Variants in CSMD1 observed in about 807,000 individuals in gnomAD.
The protein encoded by CSMD1 is CUB and sushi domain-containing protein 1.
Under a neutral mutation model 417.5 loss-of-function variants are expected in CSMD1, and 213 were observed. That is an observed-to-expected ratio of 0.51 (90% CI 0.46 to 0.57). The LOEUF (loss-of-function observed/expected upper bound fraction) is 0.57, where lower values mean the gene tolerates loss of function less well. CSMD1 is among the 20% of genes least tolerant of loss of function. The probability of loss-of-function intolerance (pLI) is 0.00; values close to 1 mark genes in which losing one functional copy is unlikely to be tolerated. For synonymous variants in CSMD1, 2,862 were observed against 1,736.8 expected (o/e 1.65, Z -16.11); for missense variants, 6,923 against 4,529.7 (o/e 1.53, Z -15.17).
rs1818076078 is a variant in CSMD1, at chr8:3,486,984, T to C, written c.1448+6639A>G. 2.0e-5 allele frequency among the ~76,000 whole-genome samples: 3 copies of C among 152,068 alleles called. No individual in the cohort carries two copies. In the South Asian group the frequency reaches 6.2e-4, roughly 32 times the overall value. The stretch of plus-strand genomic sequence containing the variant: ...CATCCTGAAGCTTGCTACTCAATCC[T>C]CCTTGATCCTGGGGAGTTGATCCTG... On this transcript the variant is annotated intron_variant, in intron 11 of 69. Transcript: ENST00000635120.
chr8:3,425,618 A>G (rs977139794), intron 12 of CSMD1, among the ~76,000 whole-genome samples: 1 of 150,650 alleles, frequency 6.6e-6, no homozygotes, highest in Non-Finnish European at 1.5e-5. Flanking sequence ...GAAAGAAAAA[A>G]GGAAAAAAAA....
In CSMD1 at chr8:4,909,790, T is replaced by C. The variant is rs140289533; in HGVS notation, c.85+84542A>G. Reference sequence around the variant, plus strand: ...GATCCATGTACATTTGTTTTGGTTGTGACTCTGTGGACCCACCTGTCCTTC... The same window carrying C: ...GATCCATGTACATTTGTTTTGGTTGCGACTCTGTGGACCCACCTGTCCTTC... On this transcript the variant is annotated intron_variant, in intron 1 of 69. Transcript: ENST00000635120. Among the ~76,000 whole-genome samples, 804 of 152,332 alleles carry C rather than the reference T, an allele frequency of 5.3e-3. 1 individual carries two copies. The highest frequency in any genetic ancestry group is 8.8e-3 in the Non-Finnish European group (598 of 68,022).
intron 2 of CSMD1, among the ~76,000 whole-genome samples, chr8:4,421,366 C>G (rs978725298): frequency 6.6e-5 from 10 of 152,122 alleles, no homozygotes; most frequent in African/African-American, 2.2e-4. Flanking sequence ...CTTTACCCAG[C>G]AAGAACAGAG....
chr8:3,340,085 C>T (rs1807548214), intron 23 of CSMD1, among the ~76,000 whole-genome samples: 1 of 152,142 alleles, frequency 6.6e-6, no homozygotes, highest in South Asian at 2.1e-4. Context: ...CAATATCGGT[C>T]AATATACTTG....
At chr8:3,243,463 C>T (rs963157006) in intron 26 of CSMD1, among the ~76,000 whole-genome samples, 17 of 138,838 alleles carry the variant, frequency 1.2e-4, no homozygotes, top group African/African-American at 4.7e-4. Context: ...AAATTACAGT[C>T]AAAGGGGGTT....
chr8:4,353,732 G>A (rs773505621), intron 3 of CSMD1, among the ~76,000 whole-genome samples: 3 of 146,470 alleles, frequency 2.0e-5, no homozygotes, highest in Non-Finnish European at 3.0e-5. Flanking sequence ...AGTTTTTGTT[G>A]GGGTTCATGG....
chr8:4,928,447 A>C (rs1489562216), intron 1 of CSMD1, among the ~76,000 whole-genome samples: 1 of 152,168 alleles, frequency 6.6e-6, no homozygotes, highest in Non-Finnish European at 1.5e-5. Context: ...ACATTGTTCC[A>C]AGTGCACCAT....
chr8:4,444,108 G>A (rs143240697), intron 2 of CSMD1, among the ~76,000 whole-genome samples: 1,783 of 152,052 alleles, frequency 0.012, 25 homozygotes, highest in Non-Finnish European at 0.014. Context: ...TTGGGAGGTC[G>A]AGGCAGGTCG....
intron 3 of CSMD1, among the ~76,000 whole-genome samples, chr8:4,261,275 T>G (rs1368958640): frequency 6.6e-6 from 1 of 152,154 alleles, no homozygotes; most frequent in African/African-American, 2.4e-5. Context: ...TTCTTCTCTT[T>G]CCTTTTTGTT....
intron 1 of CSMD1, among the ~76,000 whole-genome samples, chr8:4,797,244 T>C (rs1798030798): frequency 6.6e-6 from 1 of 152,150 alleles, no homozygotes; most frequent in Non-Finnish European, 1.5e-5. Flanking sequence ...GTTTCATCCT[T>C]TACTATGCAT....
chr8:4,595,387 C>CTTTTTTTTTTTTTTTTTCTTTTTTTTTTT, intron 2 of CSMD1, among the ~76,000 whole-genome samples: 1 of 147,342 alleles, frequency 6.8e-6, no homozygotes, highest in South Asian at 2.2e-4. Context: ...CATTCATTTT[C>CTTTTTTTTTTTTTTTTTCTTTTTTTTTTT]ATTCCATCCA....
At chr8:3,870,711 T>C (rs376530070) in intron 5 of CSMD1, among the ~76,000 whole-genome samples, 22 of 152,310 alleles carry the variant, frequency 1.4e-4, no homozygotes, top group African/African-American at 4.1e-4. Context: ...TATATTCATT[T>C]ATATATTCTC....
At chr8:3,367,781 T>C (rs1809693641) in intron 19 of CSMD1, among the ~76,000 whole-genome samples, 1 of 152,194 alleles carries the variant, frequency 6.6e-6, no homozygotes, top group Non-Finnish European at 1.5e-5. Context: ...CAGATATAGA[T>C]GTACATATTG....
chr8:3,828,345 A>G (rs1802173452), intron 5 of CSMD1, among the ~76,000 whole-genome samples: 1 of 152,224 alleles, frequency 6.6e-6, no homozygotes, highest in South Asian at 2.1e-4. Context: ...ATCTATAATT[A>G]AGAATCTGTT....
intron 1 of CSMD1, among the ~76,000 whole-genome samples, chr8:4,812,929 T>A (rs1219477957): frequency 6.6e-6 from 1 of 152,150 alleles, no homozygotes. Context: ...CAACACTAAA[T>A]CATGCATTTC....
chr8:4,738,420 G>C (rs981225420), intron 1 of CSMD1, among the ~76,000 whole-genome samples: 11 of 152,144 alleles, frequency 7.2e-5, no homozygotes, highest in African/African-American at 2.7e-4. Context: ...GAAGGGCTGA[G>C]CGAAGGGGGA....
chr8:3,449,355 C>T lies in CSMD1; in HGVS notation c.1561+19357G>A, dbSNP rs116820161. On this transcript the variant is annotated intron_variant, in intron 12 of 69. Transcript: ENST00000635120. ...CTCAATATAATCTTGTTTTCTCTAC[C>T]CCTCTGTTATGTGACAATGTCTCAT... Among the ~76,000 whole-genome samples, 898 of 152,186 alleles carry T rather than the reference C, an allele frequency of 5.9e-3. 10 individuals carry two copies. Among genetic ancestry groups the T allele is most frequent in the African/African-American group, 0.019 (787 of 41,520 alleles).
At chr8:4,377,947 TATTGATTATAGCAAATG>T (rs1432352866) in intron 3 of CSMD1, among the ~76,000 whole-genome samples, 1 of 152,224 alleles carries the variant, frequency 6.6e-6, no homozygotes, top group Non-Finnish European at 1.5e-5. Context: ...GCCCTCATAA[TATTGATTATAGCAAATG>T]ATAGAATTGT....
At chr8:3,825,869 G>C (rs990496783) in intron 5 of CSMD1, among the ~76,000 whole-genome samples, 4 of 152,162 alleles carry the variant, frequency 2.6e-5, no homozygotes, top group African/African-American at 7.2e-5. Flanking sequence ...TTGTACACTA[G>C]GGCAAGATCA....
Sources: allele counts gnomAD v4.1 joint callset (sites outside exome capture counted in the v4.1 genomes callset), GRCh38; gene constraint gnomAD v4.1.1; transcripts MANE v1.5; gene names NCBI Gene and HGNC (gene_info 2026-07-23, HGNC 2026-07-21).